Variants in AFF1 observed in about 807,000 individuals in gnomAD.
AFF1 encodes the protein AF4/FMR2 family member 1.
In AFF1, 48 loss-of-function variants were observed where a neutral mutation model predicts 121.7. The ratio of observed to expected loss-of-function variants is 0.39; its 90% CI spans 0.31 to 0.50. AFF1 has a LOEUF of 0.50. AFF1 is among the 20% of genes least tolerant of loss of function. AFF1 has a pLI of 0.76. For synonymous variants in AFF1, 613 were observed against 563.0 expected (o/e 1.09, Z -1.26); for missense variants, 1,523 against 1,511.7 (o/e 1.01, Z -0.12).
At chr4:87,087,965 C>A (rs1723904989) in intron 5 of AFF1, among the ~76,000 whole-genome samples, 1 of 152,158 alleles carries the variant, frequency 6.6e-6, no homozygotes, top group South Asian at 2.1e-4. Context: ...TATTGAAATT[C>A]TTTTAAAACT....
intron 4 of AFF1, among the ~76,000 whole-genome samples, chr4:87,050,066 A>G (rs986062108): frequency 6.6e-6 from 1 of 152,196 alleles, no homozygotes; most frequent in African/African-American, 2.4e-5. Flanking sequence ...TCCAAGGATT[A>G]TTATTCTGGT....
chr4:87,122,880 G>GAAAAAAA (rs1727841258), intron 12 of AFF1, among the ~76,000 whole-genome samples: 1 of 24,296 alleles, frequency 4.1e-5, no homozygotes, highest in African/African-American at 1.6e-4. Context: ...TGGAAAATTA[G>GAAAAAAA]TAAAAAAAAA....
chr4:87,006,881 C>T (rs1415718176), intron 2 of AFF1: 9 of 885,798 alleles, frequency 1.0e-5, no homozygotes, highest in South Asian at 5.1e-5. Flanking sequence ...CTGCCTTTGG[C>T]TAGGGCCGCC....
chr4:86,997,022 C>G (rs1298867346), intron 2 of AFF1, among the ~76,000 whole-genome samples: 3 of 152,192 alleles, frequency 2.0e-5, no homozygotes, highest in East Asian at 3.9e-4. Context: ...AGTGATTCTC[C>G]TGCCTCAGCC....
At chr4:86,988,158 CAT>C (rs564136088) in intron 2 of AFF1, among the ~76,000 whole-genome samples, 96 of 152,186 alleles carry the variant, frequency 6.3e-4, no homozygotes, top group African/African-American at 2.4e-4. Context: ...TCACTTAAAA[CAT>C]GTATCATTTC....
chr4:87,088,626 A>G (rs1723975969), intron 5 of AFF1, among the ~76,000 whole-genome samples: 1 of 151,624 alleles, frequency 6.6e-6, no homozygotes, highest in Admixed American at 6.6e-5. Context: ...TGTTGTTGAG[A>G]CGGAGTCTCG....
intron 2 of AFF1, among the ~76,000 whole-genome samples, chr4:86,971,136 A>T (rs1163118922): frequency 6.6e-6 from 1 of 152,142 alleles, no homozygotes; most frequent in Non-Finnish European, 1.5e-5. Flanking sequence ...GTGGATGGGG[A>T]TTATCTTTCC....
At chr4:86,978,171 C>T (rs1165661722) in intron 2 of AFF1, among the ~76,000 whole-genome samples, 1 of 57,944 alleles carries the variant, frequency 1.7e-5, no homozygotes, top group Non-Finnish European at 4.2e-5. Flanking sequence ...CTTCTCATTA[C>T]ATTCACTTTT....
At chr4:87,018,484 A>G (rs368290340) in intron 2 of AFF1, among the ~76,000 whole-genome samples, 1 of 152,238 alleles carries the variant, frequency 6.6e-6, no homozygotes, top group South Asian at 2.1e-4. Context: ...GTCCTTCTAG[A>G]ATGTACATGG....
chr4:87,088,952 T>G (rs1381058410), intron 5 of AFF1, among the ~76,000 whole-genome samples: 1 of 151,710 alleles, frequency 6.6e-6, no homozygotes, highest in Non-Finnish European at 1.5e-5. Context: ...TCCATGTTGG[T>G]CAGGCTGGTC....
intron 4 of AFF1, among the ~76,000 whole-genome samples, chr4:87,077,346 A>G (rs1722769394): frequency 6.6e-6 from 1 of 152,180 alleles, no homozygotes; most frequent in South Asian, 2.1e-4. Context: ...GGGTGTGCCC[A>G]GAGCACCAAG....
intron 2 of AFF1, among the ~76,000 whole-genome samples, chr4:86,994,019 T>C (rs1328654478): frequency 6.6e-6 from 1 of 152,182 alleles, no homozygotes; most frequent in Non-Finnish European, 1.5e-5. Flanking sequence ...TCAGGAAATC[T>C]GGGATGGGAC....
Position 87,047,028 on chromosome 4 carries a change from C to G in AFF1, c.493C>G (p.His165Asp), listed in dbSNP as rs1730769503. 3 of 1,614,228 alleles carry G rather than the reference C, an allele frequency of 1.9e-6. No homozygotes were observed. Among genetic ancestry groups the G allele is most frequent in the Non-Finnish European group, 2.5e-6 (3 of 1,180,030 alleles). ...AAGCTGCGGCCCACCGGACAGCCAG[C>G]ACCTGACCCAGGATCGCCTTGGTCA... ...AKSCGPPDSQ[H>D]LTQDRLGQEG... Residue 165 changes from histidine (H) to aspartate (D), a missense_variant, in exon 4 of 21, where the codon CAC becomes GAC. Around this residue, in one of 5 missense-constraint regions of AFF1, gnomAD observed 369 missense variants for 367.2 expected, o/e 1.00. Transcript: ENST00000395146.
At chr4:87,047,893 G>A in intron 4 of AFF1, 1 of 423,512 alleles carries the variant, frequency 2.4e-6, no homozygotes, top group Non-Finnish European at 4.4e-6. Flanking sequence ...TCAAAAAATA[G>A]ATACACCTAT....
chr4:86,983,545 T>A (rs946582101), intron 2 of AFF1, among the ~76,000 whole-genome samples: 11 of 148,988 alleles, frequency 7.4e-5, no homozygotes, highest in Middle Eastern at 7.0e-3. Context: ...ATAAAAAAAT[T>A]AAAAAATAAA....
At chr4:87,016,512 A>G (rs1257535896) in intron 2 of AFF1, among the ~76,000 whole-genome samples, 2 of 150,662 alleles carry the variant, frequency 1.3e-5, no homozygotes, top group East Asian at 2.0e-4. Flanking sequence ...AGATTGCGCC[A>G]CTGCACTCCA....
chr4:86,950,734 A>G (rs994700479), intron 2 of AFF1, among the ~76,000 whole-genome samples: 1 of 151,496 alleles, frequency 6.6e-6, no homozygotes, highest in Admixed American at 6.5e-5. Flanking sequence ...AAGGGAAGAC[A>G]GTTAGTTGAC....
intron 5 of AFF1, among the ~76,000 whole-genome samples, chr4:87,085,835 T>C (rs1723675081): frequency 6.6e-6 from 1 of 150,858 alleles, no homozygotes; most frequent in Non-Finnish European, 1.5e-5. Flanking sequence ...ACCTCCTGGG[T>C]TCAAGCGATT....
chr4:87,073,966 C>CGT (rs891954103), intron 4 of AFF1, among the ~76,000 whole-genome samples: 2 of 151,532 alleles, frequency 1.3e-5, no homozygotes, highest in Non-Finnish European at 2.9e-5. Context: ...GTAGAGTGCT[C>CGT]GTGTGTGTGT....
Sources: gnomAD v4.1 joint callset for allele counts (sites outside exome capture counted in the v4.1 genomes callset) on GRCh38, gnomAD v4.1.1 for gene constraint, gnomAD v4.1.1 regional missense constraint, MANE v1.5 for transcripts, NCBI Gene and HGNC (gene_info 2026-07-23, HGNC 2026-07-21) for gene names.